The following APBB2 variants were observed in gnomAD, a reference collection of about 807,000 sequenced individuals.
APBB2 encodes the protein Fe65-like 1.
A neutral mutation model predicts 82.5 loss-of-function variants in APBB2; 38 were observed. The observed-to-expected ratio is 0.46, with a 90% confidence interval of 0.36 to 0.60. APBB2 has a LOEUF of 0.60. APBB2 is among the 20% of genes least tolerant of loss of function. APBB2 has a pLI of 0.00. For missense variants in APBB2, 772 were observed against 972.3 expected, an observed-to-expected ratio of 0.79 and a Z score of 2.74; for synonymous variants, 341 against 368.2, an observed-to-expected ratio of 0.93 and a Z score of 0.85.
chr4:41,205,645 A>G (rs1168727142), intron 1 of APBB2, among the ~76,000 whole-genome samples: 1 of 152,218 alleles, frequency 6.6e-6, no homozygotes, highest in Non-Finnish European at 1.5e-5. Flanking sequence ...TACAAGCTCA[A>G]CTGCCCTGGA....
intron 10 of APBB2, among the ~76,000 whole-genome samples, chr4:40,934,172 C>T (rs903084210): frequency 2.2e-4 from 33 of 152,200 alleles, no homozygotes; most frequent in African/African-American, 7.5e-4. Context: ...TTAAAGACTT[C>T]TAAAGCCCAC....
intron 2 of APBB2, chr4:41,137,922 G>A (rs1470530573): frequency 1.3e-5 from 2 of 152,128 alleles, no homozygotes; most frequent in Non-Finnish European, 2.9e-5. Flanking sequence ...TTTAGAAAGA[G>A]CCTGGGCGCA....
chr4:41,084,360 G>T (rs765818705), intron 3 of APBB2, among the ~76,000 whole-genome samples: 7 of 152,108 alleles, frequency 4.6e-5, no homozygotes, highest in Non-Finnish European at 8.8e-5. Context: ...GGTGGCAGAG[G>T]TTGCAGTGAG....
chr4:41,182,834 G>A (rs1384329411), intron 1 of APBB2, among the ~76,000 whole-genome samples: 2 of 152,130 alleles, frequency 1.3e-5, no homozygotes, highest in African/African-American at 2.4e-5. Flanking sequence ...CATTAGAACA[G>A]CATGGGGAAA....
intron 1 of APBB2, among the ~76,000 whole-genome samples, chr4:41,211,680 A>C (rs1338770803): frequency 2.6e-5 from 4 of 151,624 alleles, no homozygotes; most frequent in African/African-American, 9.7e-5. Flanking sequence ...CGGGGGTTTT[A>C]CCTCTTGGCC....
rs1350106769 is a variant in APBB2, at chr4:41,152,921, G to A, written c.-416-9779C>T. Among the ~76,000 whole-genome samples, 4 of 152,238 alleles carry A rather than the reference G, an allele frequency of 2.6e-5. No homozygotes were observed. The East Asian group carries it at 7.7e-4, about 29-fold the overall frequency. ...TAACCACAATGGTGATATTAGAGGT[G>A]GAGTATTCCTTATCCACAATGCTTG... On this transcript the variant is annotated intron_variant, in intron 1 of 17. Transcript: ENST00000508593.
At chr4:41,183,003 T>C (rs1771856511) in intron 1 of APBB2, among the ~76,000 whole-genome samples, 1 of 152,208 alleles carries the variant, frequency 6.6e-6, no homozygotes, top group Non-Finnish European at 1.5e-5. Context: ...AAACTCCTAA[T>C]GGTACCTCCA....
At chr4:40,924,583 C>T (rs2154370077) in intron 10 of APBB2, among the ~76,000 whole-genome samples, 1 of 152,292 alleles carries the variant, frequency 6.6e-6, no homozygotes, top group East Asian at 1.9e-4. Flanking sequence ...CCAGAGACCA[C>T]ACCATGAGAA....
At chr4:41,129,554 T>C (rs1453933742) in intron 2 of APBB2, among the ~76,000 whole-genome samples, 1 of 152,220 alleles carries the variant, frequency 6.6e-6, no homozygotes, top group Non-Finnish European at 1.5e-5. Context: ...GGCTTTGTTC[T>C]CCTGCTGTTG....
intron 6 of APBB2, among the ~76,000 whole-genome samples, chr4:40,999,969 AG>A (rs1404189229): frequency 3.9e-5 from 6 of 151,948 alleles, no homozygotes; most frequent in Non-Finnish European, 8.8e-5. Context: ...CGTTGAGCCC[AG>A]GAGTTTGAGA....
chr4:41,078,315 G>C (rs1419594315), intron 3 of APBB2, among the ~76,000 whole-genome samples: 2 of 152,160 alleles, frequency 1.3e-5, no homozygotes, highest in African/African-American at 2.4e-5. Context: ...CTGAGAAGTG[G>C]AAAACGGCAA....
rs757512520 is a variant in APBB2, at chr4:40,825,968, C to T, written c.1735G>A (p.Asp579Asn). 1.9e-6 allele frequency: 3 copies of T among 1,613,726 alleles called. No homozygotes were observed. The highest frequency in any genetic ancestry group is 1.7e-6 in the Non-Finnish European group (2 of 1,179,618). The stretch of plus-strand genomic sequence containing the variant: ...AGCTCAGTCTTTGGTGTTGGAAAAT[C>T]TACTACAGGGAACAAAAGCAACACA... ...NVNLDVPLQV[D>N]FPTPKTELVQ... Residue 579 changes from aspartate to asparagine, a missense_variant and splice_region_variant, in exon 15 of 18, where the codon GAT becomes AAT. Transcript: ENST00000508593.
At chr4:41,059,570 G>A (rs1301620774) in intron 4 of APBB2, among the ~76,000 whole-genome samples, 1 of 152,278 alleles carries the variant, frequency 6.6e-6, no homozygotes, top group Non-Finnish European at 1.5e-5. Context: ...ACCGCTTAAA[G>A]GCGTTCTTAA....
chr4:40,903,226 C>T (rs529399663), intron 10 of APBB2, among the ~76,000 whole-genome samples: 16,498 of 151,758 alleles, frequency 0.11, 1,276 homozygotes, highest in African/African-American at 0.21. Context: ...TTTGGGAGGC[C>T]AAGGCCGGTG....
intron 7 of APBB2, among the ~76,000 whole-genome samples, chr4:40,936,689 A>C (rs538057156): frequency 5.6e-4 from 85 of 152,364 alleles, no homozygotes; most frequent in African/African-American, 1.9e-3. Flanking sequence ...GCTTTTCAAA[A>C]TAAAATGGGA....
chr4:40,978,463 C>T (rs901551493), intron 6 of APBB2, among the ~76,000 whole-genome samples: 6 of 152,142 alleles, frequency 3.9e-5, no homozygotes, highest in African/African-American at 1.2e-4. Flanking sequence ...TAGAGAAAAA[C>T]ACTGTCTTAT....
At chr4:40,990,436 T>C (rs1801701852) in intron 6 of APBB2, among the ~76,000 whole-genome samples, 2 of 151,594 alleles carry the variant, frequency 1.3e-5, no homozygotes, top group Non-Finnish European at 2.9e-5. Context: ...CAGAAAGGAG[T>C]GGTGAGATTC....
At chr4:40,896,199 G>A (rs1773621474) in intron 10 of APBB2, among the ~76,000 whole-genome samples, 1 of 152,130 alleles carries the variant, frequency 6.6e-6, no homozygotes, top group Non-Finnish European at 1.5e-5. Flanking sequence ...CAAGTAGCTG[G>A]GATTACAGGT....
intron 7 of APBB2, among the ~76,000 whole-genome samples, chr4:40,937,868 C>T (rs1259383366): frequency 6.6e-6 from 1 of 152,118 alleles, no homozygotes; most frequent in Non-Finnish European, 1.5e-5. Flanking sequence ...CTATATTTGG[C>T]TAATAAGTTT....
Sources: gnomAD v4.1 joint callset for allele counts (sites outside exome capture counted in the v4.1 genomes callset) on GRCh38, gnomAD v4.1.1 for gene constraint, MANE v1.5 for transcripts, NCBI Gene and HGNC (gene_info 2026-07-23, HGNC 2026-07-21) for gene names.